YARS1: variants seen among roughly 807,000 people sequenced by gnomAD.
The protein encoded by YARS1 is tyrosyl-tRNA synthetase 1, also known as tyrosine--tRNA ligase, cytoplasmic.
Under a neutral mutation model 62.2 loss-of-function variants are expected in YARS1, and 36 were observed. The ratio of observed to expected loss-of-function variants is 0.58; its 90% confidence interval spans 0.44 to 0.76. The LOEUF is 0.76. YARS1 is among the 30% of genes least tolerant of loss of function. The pLI, the probability that YARS1 is intolerant of heterozygous loss-of-function variation, is 0.00. For missense variants in YARS1, 524 were observed against 639.8 expected, an observed-to-expected ratio of 0.82 and a Z score of 1.95; for synonymous variants, 234 against 244.9, an observed-to-expected ratio of 0.96 and a Z score of 0.42.
intron 4 of YARS1, among the ~76,000 whole-genome samples, chr1:32,804,243 G>C (rs931880403): frequency 6.6e-6 from 1 of 152,224 alleles, no homozygotes; most frequent in Admixed American, 6.5e-5. Flanking sequence ...CGTTCTCAAC[G>C]AGCTGTTGGG....
At chr1:32,779,351 G>A (rs1166834747) in intron 12 of YARS1, 31 bp downstream of exon 12, 1 of 1,614,154 alleles carries the variant, frequency 6.2e-7, no homozygotes, top group Non-Finnish European at 8.5e-7. Context: ...AGGCAGCCCA[G>A]CCAAGAAAGG....
At chr1:32,809,975 G>A (rs546333960) in intron 3 of YARS1, among the ~76,000 whole-genome samples, 9 of 151,952 alleles carry the variant, frequency 5.9e-5, no homozygotes, top group Non-Finnish European at 7.4e-5. Flanking sequence ...GTGTGGTGGC[G>A]CATGCCTGTA....
chr1:32,780,714 G>A (rs1370088370), intron 10 of YARS1: 3 of 432,980 alleles, frequency 6.9e-6, no homozygotes, highest in African/African-American at 2.0e-5. Context: ...TTTCTGAAGG[G>A]GGCAAAGTGG....
At chr1:32,817,161 G>A (rs1317227330) in intron 1 of YARS1, 27 bp downstream of exon 1, 2 of 1,613,702 alleles carry the variant, frequency 1.2e-6, no homozygotes, top group East Asian at 2.2e-5. Context: ...AATCCCCAAC[G>A]GCGCATTTCC....
chr1:32,807,748 G>A (rs1439476975), intron 3 of YARS1, among the ~76,000 whole-genome samples: 1 of 152,044 alleles, frequency 6.6e-6, no homozygotes, highest in African/African-American at 2.4e-5. Flanking sequence ...CACAGTAGCG[G>A]GCTTGTTTTT....
intron 9 of YARS1, chr1:32,781,940 A>G (rs1424922038): frequency 2.8e-5 from 5 of 176,602 alleles, no homozygotes; most frequent in African/African-American, 1.2e-4. Flanking sequence ...CAGCCTCCCA[A>G]GTAGCTGGGA....
chr1:32,782,452 C>G lies in YARS1; in HGVS notation c.994G>C (p.Ala332Pro). 1.2e-6 allele frequency: 2 copies of G among 1,614,058 alleles called. No homozygotes were observed. Among genetic ancestry groups the G allele is most frequent in the Non-Finnish European group, 1.7e-6 (2 of 1,180,008 alleles). ...GCAGCGCTGGCCAGTTTTTTCAGGGCAGGGGTATTAAACTTTTCCCGGATT... is the reference window on the plus strand; with the variant it reads ...GCAGCGCTGGCCAGTTTTTTCAGGGGAGGGGTATTAAACTTTTCCCGGATT... ...DPIREKFNTP[A>P]LKKLASAAYP... The change falls in exon 9 of 13, where the codon GCC becomes CCC. Residue 332 changes from alanine (A) to proline (P), a missense_variant. Physicochemically the swap from Ala to Pro is conservative, Grantham distance 27. Coordinates refer to ENST00000373477, the MANE Select transcript of YARS1 (RefSeq NM_003680.4).
At chr1:32,790,181 C>CTTTT (rs750131866) in intron 6 of YARS1, among the ~76,000 whole-genome samples, 1 of 115,410 alleles carries the variant, frequency 8.7e-6, no homozygotes, top group Non-Finnish European at 1.8e-5. Flanking sequence ...CCACGCAGGC[C>CTTTT]TTTTTTTTTT....
At chr1:32,808,299 A>G (rs578046223) in intron 3 of YARS1, among the ~76,000 whole-genome samples, 4 of 150,662 alleles carry the variant, frequency 2.7e-5, no homozygotes, top group Admixed American at 2.6e-4. Context: ...GGCTCACCAC[A>G]ACCTCTGCCC....
chr1:32,797,105 A>C (rs1353747966), intron 5 of YARS1, among the ~76,000 whole-genome samples: 1 of 135,944 alleles, frequency 7.4e-6, no homozygotes, highest in Non-Finnish European at 1.5e-5. Flanking sequence ...GGCACAGTGG[A>C]TCTCACCTAT....
chr1:32,786,863 G>T, intron 7 of YARS1, 77 bp downstream of exon 7: 2 of 1,595,308 alleles, frequency 1.3e-6, no homozygotes, highest in South Asian at 2.2e-5. Context: ...AAGAGTCTGT[G>T]ACAAATCACA....
At chr1:32,802,487 T>C (rs567605174) in intron 4 of YARS1, among the ~76,000 whole-genome samples, 1 of 152,266 alleles carries the variant, frequency 6.6e-6, no homozygotes, top group South Asian at 2.1e-4. Flanking sequence ...ATGGCAGCTA[T>C]AGCCTTTTGA....
intron 6 of YARS1, among the ~76,000 whole-genome samples, chr1:32,789,458 A>G (rs1569728274): frequency 6.6e-6 from 1 of 152,338 alleles, no homozygotes; most frequent in South Asian, 2.1e-4. Context: ...TTATTTGGAA[A>G]GAGTGAGTTC....
chr1:32,791,707 C>A (rs1653417597), intron 5 of YARS1, among the ~76,000 whole-genome samples: 1 of 152,108 alleles, frequency 6.6e-6, no homozygotes, highest in Admixed American at 6.5e-5. Context: ...GAGGCTGAGG[C>A]AGTAGGATCA....
chr1:32,787,495 AAAAT>A (rs945578176), intron 6 of YARS1, among the ~76,000 whole-genome samples: 16 of 150,876 alleles, frequency 1.1e-4, no homozygotes, highest in Admixed American at 1.0e-3. Flanking sequence ...GGATGTGGTA[AAAAT>A]AAATAAATAA....
intron 5 of YARS1, among the ~76,000 whole-genome samples, chr1:32,796,423 T>C (rs1653586269): frequency 6.6e-6 from 1 of 151,948 alleles, no homozygotes; most frequent in South Asian, 2.1e-4. Context: ...TGGAGTGTGA[T>C]GGTGTGATCA....
At chr1:32,777,964 T>C (rs965397342) in intron 12 of YARS1, among the ~76,000 whole-genome samples, 91 of 152,224 alleles carry the variant, frequency 6.0e-4, no homozygotes, top group African/African-American at 2.1e-3. Flanking sequence ...TTTTCTACCA[T>C]GAAAATTTAT....
chr1:32,793,953 G>C (rs1653491978), intron 5 of YARS1, among the ~76,000 whole-genome samples: 1 of 152,224 alleles, frequency 6.6e-6, no homozygotes. Flanking sequence ...GGGCTCTTTA[G>C]GTTGAAGGAA....
At chr1:32,813,079 A>G (rs1173864705) in intron 1 of YARS1, among the ~76,000 whole-genome samples, 2 of 152,054 alleles carry the variant, frequency 1.3e-5, no homozygotes, top group African/African-American at 4.8e-5. Flanking sequence ...GCCAGTCAGG[A>G]AATCTTTGAA....
Sources: allele counts gnomAD v4.1 joint callset (sites outside exome capture counted in the v4.1 genomes callset), GRCh38; gene constraint gnomAD v4.1.1; transcripts MANE v1.5; gene names NCBI Gene and HGNC (gene_info 2026-07-23, HGNC 2026-07-21).